SRGAP3: variants seen among roughly 807,000 people sequenced by gnomAD.
The protein encoded by SRGAP3 is SLIT-ROBO Rho GTPase activating protein 3.
SRGAP3 carries 39 observed loss-of-function variants against 121.1 expected under a neutral mutation model. The observed-to-expected ratio is 0.32, with a 90% CI of 0.25 to 0.42. The LOEUF (loss-of-function observed/expected upper bound fraction) is 0.42, where lower values mean the gene tolerates loss of function less well. Ranked by LOEUF, SRGAP3 falls within the 10% of genes least tolerant of loss-of-function variation. The pLI is 1.00. For missense variants in SRGAP3, 1,213 were observed against 1,470.6 expected, an observed-to-expected ratio of 0.82 and a Z score of 2.86; for synonymous variants, 601 against 570.0, an observed-to-expected ratio of 1.05 and a Z score of -0.77.
At chr3:9,065,378 C>T (rs1044693222) in intron 4 of SRGAP3, 2 of 152,178 alleles carry the variant, frequency 1.3e-5, no homozygotes, top group African/African-American at 2.4e-5. Flanking sequence ...AACTGAGGCT[C>T]GGAGGTGCAA....
chr3:9,202,018 A>G (rs889286986), intron 1 of SRGAP3, among the ~76,000 whole-genome samples: 4 of 151,654 alleles, frequency 2.6e-5, no homozygotes, highest in African/African-American at 7.3e-5. Context: ...TTCTTTTGCT[A>G]GAGGACTGTG....
At chr3:9,051,408 C>G (rs907551912) in intron 9 of SRGAP3, among the ~76,000 whole-genome samples, 1 of 152,158 alleles carries the variant, frequency 6.6e-6, no homozygotes, top group Non-Finnish European at 1.5e-5. Flanking sequence ...CTTACTGAAT[C>G]TGCAGGTGAC....
chr3:9,286,590 T>C (rs1954776074), intron 3 of SRGAP3, among the ~76,000 whole-genome samples: 1 of 152,224 alleles, frequency 6.6e-6, no homozygotes, highest in African/African-American at 2.4e-5. Context: ...TTATTTATTT[T>C]GTTTTTGTCG....
At chr3:9,118,695 C>A (rs1239039685) in intron 2 of SRGAP3, among the ~76,000 whole-genome samples, 1 of 152,076 alleles carries the variant, frequency 6.6e-6, no homozygotes, top group Non-Finnish European at 1.5e-5. Context: ...TGCCAGGCCC[C>A]CCCCCCAAGA....
chr3:9,120,114 A>C (rs548452323), intron 2 of SRGAP3, among the ~76,000 whole-genome samples: 1 of 152,330 alleles, frequency 6.6e-6, no homozygotes, highest in African/African-American at 2.4e-5. Context: ...TTAATGTTTT[A>C]TTCTTCATGG....
At chr3:9,123,407 CAT>C (rs1560202031) in intron 2 of SRGAP3, among the ~76,000 whole-genome samples, 1,754 of 7,010 alleles carry the variant, frequency 0.25, 22 homozygotes, top group Middle Eastern at 0.5. Context: ...AATACACATA[CAT>C]ACACATACAT....
At chr3:9,085,095 T>C (rs1260594183) in intron 3 of SRGAP3, among the ~76,000 whole-genome samples, 2 of 152,242 alleles carry the variant, frequency 1.3e-5, no homozygotes, top group African/African-American at 4.8e-5. Flanking sequence ...TATCATTTGC[T>C]TCCCTTGCTT....
At chr3:9,025,547 AC>A (rs1309307894) in intron 13 of SRGAP3, among the ~76,000 whole-genome samples, 1 of 152,092 alleles carries the variant, frequency 6.6e-6, no homozygotes, top group African/African-American at 2.4e-5. Flanking sequence ...TGCTTCAAAC[AC>A]TTGTGATCTT....
chr3:9,015,836 G>A (rs1943611180), intron 14 of SRGAP3, 105 bp from the exon 15 acceptor site: 3 of 1,439,732 alleles, frequency 2.1e-6, no homozygotes, highest in Middle Eastern at 1.9e-4. Context: ...CACAGGAAAG[G>A]CAGATGGGAA....
intron 1 of SRGAP3, among the ~76,000 whole-genome samples, chr3:9,227,351 C>A (rs1953025719): frequency 6.6e-6 from 1 of 152,188 alleles, no homozygotes; most frequent in African/African-American, 2.4e-5. Context: ...ATTGAATCGA[C>A]CCCTCAAAAT....
intron 14 of SRGAP3, among the ~76,000 whole-genome samples, chr3:9,019,406 GA>G (rs1042485535): frequency 6.6e-6 from 1 of 152,212 alleles, no homozygotes; most frequent in Admixed American, 6.5e-5. Context: ...TTGGACAAGG[GA>G]AAATGTTATC....
intron 2 of SRGAP3, chr3:9,326,310 T>C (rs1029638570): frequency 2.6e-5 from 4 of 151,896 alleles, no homozygotes; most frequent in African/African-American, 9.7e-5. Context: ...AAACATGCAC[T>C]GAAAATGACA....
intron 3 of SRGAP3, among the ~76,000 whole-genome samples, chr3:9,086,639 A>C (rs1329964814): frequency 7.0e-6 from 1 of 142,314 alleles, no homozygotes; most frequent in Admixed American, 7.1e-5. Flanking sequence ...ATATACACCC[A>C]CATATACATA....
chr3:9,289,223 T>C (rs186835588), intron 3 of SRGAP3, among the ~76,000 whole-genome samples: 169 of 152,318 alleles, frequency 1.1e-3, no homozygotes, highest in African/African-American at 3.8e-3. Context: ...TAATTCTTTA[T>C]TCACAATTTT....
chr3:9,269,607 A>G (rs1436659855), intron 3 of SRGAP3, among the ~76,000 whole-genome samples: 1 of 152,210 alleles, frequency 6.6e-6, no homozygotes, highest in Non-Finnish European at 1.5e-5. Context: ...GAACCTCTCC[A>G]CCCAGAAACA....
At chr3:9,228,049 T>A (rs1175742173) in intron 1 of SRGAP3, among the ~76,000 whole-genome samples, 2 of 152,106 alleles carry the variant, frequency 1.3e-5, no homozygotes, top group Non-Finnish European at 2.9e-5. Flanking sequence ...ATGATCATAG[T>A]TTGAGACAGA....
At chr3:9,309,821 C>G (rs560797369) in intron 3 of SRGAP3, among the ~76,000 whole-genome samples, 19 of 152,300 alleles carry the variant, frequency 1.2e-4, no homozygotes, top group African/African-American at 4.6e-4. Flanking sequence ...ATCACCACTG[C>G]ACTCCAGCCT....
chr3:9,336,226 C>T (rs933022650), intron 1 of SRGAP3, among the ~76,000 whole-genome samples: 4 of 151,200 alleles, frequency 2.6e-5, no homozygotes, highest in African/African-American at 9.7e-5. Context: ...TCTCTTCTCT[C>T]TCCCTCTCCC....
chr3:9,001,775 T>C (rs1473486364), intron 18 of SRGAP3, among the ~76,000 whole-genome samples: 1 of 152,118 alleles, frequency 6.6e-6, no homozygotes, highest in African/African-American at 2.4e-5. Context: ...TATACTAATA[T>C]CGATAAAATA....
Sources: allele counts gnomAD v4.1 joint callset (sites outside exome capture counted in the v4.1 genomes callset), GRCh38; gene constraint gnomAD v4.1.1; transcripts MANE v1.5; gene names NCBI Gene and HGNC (gene_info 2026-07-23, HGNC 2026-07-21).